Variants in TNRC18 observed in about 807,000 individuals in gnomAD.
TNRC18 encodes trinucleotide repeat containing 18, also known as trinucleotide repeat-containing gene 18 protein.
A neutral mutation model predicts 226.7 loss-of-function variants in TNRC18; 69 were observed. The observed-to-expected ratio is 0.30, with a 90% CI of 0.25 to 0.37. TNRC18 has a LOEUF of 0.37. Among genes scored for constraint, TNRC18 ranks in the 10% least tolerant of loss-of-function variants. The probability of loss-of-function intolerance (pLI) is 1.00; values close to 1 mark genes in which losing one functional copy is unlikely to be tolerated. For synonymous variants in TNRC18, 2,449 were observed against 1,927.6 expected, an observed-to-expected ratio of 1.27 and a Z score of -7.09; for missense variants, 4,754 against 4,256.6, an observed-to-expected ratio of 1.12 and a Z score of -3.25.
intron 14 of TNRC18, 66 bp downstream of exon 14, chr7:5,361,528 G>T (rs1232733006): frequency 7.0e-7 from 1 of 1,424,516 alleles, no homozygotes; most frequent in African/African-American, 1.5e-5. Context: ...CAGGCCCTGC[G>T]TGGGGCCCGG....
rs765642771 is a variant in TNRC18, at chr7:5,362,748, G to T, written c.4297C>A (p.Leu1433Met). Residue 1433 changes from leucine (L) to methionine (M), a missense_variant, in exon 12 of 30, where the codon CTG becomes ATG. Leu to Met is a conservative substitution (Grantham distance 15). Transcript: ENST00000430969. The stretch of plus-strand genomic sequence containing the variant: ...AGTGGGTCCACCACGGGCCCATCCA[G>T]CACCTCCCTCAGCATGTGGCTGCCA... ...AAGSHMLREV[L>M]DGPVVDPLKN... is the part of the protein sequence containing the mutation. 6.4e-7 allele frequency: 1 copy of T among 1,572,788 alleles called. No individual in the cohort carries two copies. Among genetic ancestry groups the T allele is most frequent in the Non-Finnish European group, 8.6e-7 (1 of 1,159,670 alleles).
In TNRC18 at chr7:5,332,637, C is replaced by T; in HGVS notation, c.6132G>A (p.Arg2044=). 6.5e-7 allele frequency: 1 copy of T among 1,531,912 alleles called. No individual in the cohort carries two copies. Among genetic ancestry groups the T allele is most frequent in the Non-Finnish European group, 8.8e-7 (1 of 1,140,920 alleles). 94.9% of individuals were successfully genotyped at this position (1,531,912 alleles called of 1,614,324 possible). ...PRKDAGRAKD[R]KDPRKKKKGK... ...CGGCCCCTACCTTCCTGGGGTCCTT[C>T]CTGTCCTTTGCACGCCCGGCGTCCT... is the stretch of plus-strand genomic sequence containing the variant. The change falls in exon 19 of 30, where the codon AGG becomes AGA. Residue 2044 remains arginine, a synonymous_variant. Coordinates refer to ENST00000430969, the MANE Select transcript of TNRC18 (RefSeq NM_001080495.3).
intron 18 of TNRC18, among the ~76,000 whole-genome samples, chr7:5,340,574 T>A (rs1289242110): frequency 2.7e-5 from 4 of 148,978 alleles, no homozygotes; most frequent in African/African-American, 9.9e-5. Context: ...CCATCTCTAC[T>A]AAAAAAAAAA....
chr7:5,396,965 G>A (rs1248082668), intron 2 of TNRC18, among the ~76,000 whole-genome samples: 1 of 152,344 alleles, frequency 6.6e-6, no homozygotes, highest in Middle Eastern at 3.4e-3. Context: ...TGGGGTACAT[G>A]TGGGGAAACT....
rs1780088725 is a variant in TNRC18 at position 5,389,248 on chromosome 7, C to T, written c.576G>A (p.Ser192=). ...SARTPGGGHS[S]GAPAKGSSSR... is the part of the protein sequence containing the mutation. ...ACGACGAGCCTTTGGCCGGGGCGCCCGAGGAGTGGCCGCCGCCAGGGGTCC... is the reference window on the plus strand; with the variant it reads ...ACGACGAGCCTTTGGCCGGGGCGCCTGAGGAGTGGCCGCCGCCAGGGGTCC... The change falls in exon 5 of 30, where the codon TCG becomes TCA. Residue 192 remains serine (S), a synonymous_variant. Coordinates refer to ENST00000430969, the MANE Select transcript of TNRC18 (RefSeq NM_001080495.3). 7.6e-7 allele frequency: 1 copy of T among 1,316,516 alleles called. No homozygotes were observed. Among genetic ancestry groups the T allele is most frequent in the Non-Finnish European group, 9.7e-7 (1 of 1,033,476 alleles). 81.6% of individuals were successfully genotyped at this position (1,316,516 alleles called of 1,614,324 possible).
chr7:5,356,620 G>A (rs955005748), intron 16 of TNRC18, among the ~76,000 whole-genome samples: 7 of 152,338 alleles, frequency 4.6e-5, no homozygotes, highest in African/African-American at 1.4e-4. Flanking sequence ...AATGGCGGGC[G>A]GGCAAGACAG....
chr7:5,360,771 G>A (rs1202064968), intron 14 of TNRC18, among the ~76,000 whole-genome samples: 4 of 152,232 alleles, frequency 2.6e-5, no homozygotes, highest in Non-Finnish European at 5.9e-5. Context: ...CCTCTCTTCG[G>A]TCAGAAACAT....
intron 2 of TNRC18, among the ~76,000 whole-genome samples, chr7:5,399,782 C>A (rs1780953657): frequency 6.6e-6 from 1 of 152,046 alleles, no homozygotes; most frequent in Non-Finnish European, 1.5e-5. Flanking sequence ...CTTTGGGAGG[C>A]CTAGGCGGGT....
intron 18 of TNRC18, 125 bp downstream of exon 18, chr7:5,345,437 G>C: frequency 1.0e-6 from 1 of 966,644 alleles, no homozygotes; most frequent in Non-Finnish European, 1.5e-6. Context: ...CCACGAGGCT[G>C]GGGTTCTGCC....
At position 5,388,803 on chromosome 7, in the gene TNRC18, G is replaced by A. The variant is rs1259226923; in HGVS notation, c.1021C>T (p.Pro341Ser). 10 of 1,195,226 alleles carry A rather than the reference G, an allele frequency of 8.4e-6. No individual in the cohort carries two copies. The highest frequency in any genetic ancestry group is 4.1e-5 in the East Asian group (1 of 24,166). 74.0% of individuals were successfully genotyped at this position (1,195,226 alleles called of 1,614,324 possible). A position where few individuals can be genotyped will look rare whatever the true frequency, so the allele number is the denominator to read the frequency against. The change falls in exon 5 of 30, where the codon CCC becomes TCC. Residue 341 changes from proline (P) to serine (S), a missense_variant. Coordinates refer to ENST00000430969, the MANE Select transcript of TNRC18 (RefSeq NM_001080495.3). ...CPSPLPPPPAPPKGPPAPPAA... is the reference protein window; with the variant it reads ...CPSPLPPPPASPKGPPAPPAA... ...GGGGGTGCAGGAGGCCCCTTGGGGG[G>A]CGCGGGCGGCGGGGGCAGCGGTGAG...
At chr7:5,358,247 G>A (rs1311338318) in intron 15 of TNRC18, among the ~76,000 whole-genome samples, 1 of 152,120 alleles carries the variant, frequency 6.6e-6, no homozygotes, top group East Asian at 1.9e-4. Flanking sequence ...TTAAATTCCT[G>A]CCTGCATGTC....
chr7:5,364,231 G>A (rs554666181), intron 11 of TNRC18, among the ~76,000 whole-genome samples: 1 of 152,194 alleles, frequency 6.6e-6, no homozygotes, highest in South Asian at 2.1e-4. Flanking sequence ...TCAGGAGGCA[G>A]AAGTTGCAGT....
At chr7:5,402,884 G>C (rs531850808) in intron 2 of TNRC18, among the ~76,000 whole-genome samples, 29 of 151,638 alleles carry the variant, frequency 1.9e-4, no homozygotes, top group Non-Finnish European at 3.0e-4. Context: ...GGTGTGGAAT[G>C]GGGGGGCAAG....
chr7:5,348,803 T>C (rs1413398379), intron 17 of TNRC18, among the ~76,000 whole-genome samples: 1 of 151,994 alleles, frequency 6.6e-6, no homozygotes, highest in African/African-American at 2.4e-5. Flanking sequence ...AGTGCACACT[T>C]GCGATCATTC....
rs566231161 is a variant in TNRC18 at position 5,328,831 on chromosome 7, A to T, written c.6148-3583T>A. 1.1e-4 allele frequency among the ~76,000 whole-genome samples: 16 copies of T among 152,130 alleles called. 1 individual carries two copies. In the South Asian group the frequency reaches 2.9e-3, roughly 28 times the overall value. ...GGCTGAGACCACCGTCTCTTATTAA[A>T]AGAAAAATTAGCAAGGTGTGTTGGT... is the stretch of plus-strand genomic sequence containing the variant. On this transcript the variant is annotated intron_variant, in intron 19 of 29. Transcript: ENST00000430969.
intron 16 of TNRC18, among the ~76,000 whole-genome samples, chr7:5,354,747 C>T (rs1011638629): frequency 1.3e-5 from 2 of 152,148 alleles, no homozygotes; most frequent in African/African-American, 4.8e-5. Flanking sequence ...GAAACACACG[C>T]ACCCTGAAAA....
chr7:5,376,006 G>C lies in TNRC18; in HGVS notation c.2799+28C>G, dbSNP rs990204674. 4.5e-6 allele frequency: 7 copies of C among 1,565,128 alleles called. No homozygotes were observed. In the African/African-American group the frequency reaches 5.4e-5, roughly 12 times the overall value. Reference sequence around the variant, plus strand: ...CGTCACCCATGGGGGCCCCCAGAGGGAGCTGCGCCTCATCCTCCCCGACTT... The same window carrying C: ...CGTCACCCATGGGGGCCCCCAGAGGCAGCTGCGCCTCATCCTCCCCGACTT... On this transcript the variant is annotated intron_variant, in intron 9 of 29. Coordinates refer to ENST00000430969, the MANE Select transcript of TNRC18 (RefSeq NM_001080495.3).
At position 5,388,909 on chromosome 7, in the gene TNRC18, GGCACCCCC is replaced by G; in HGVS notation, c.907_914del (p.Gly303GlnfsTer61). The G allele has an allele frequency of 7.3e-7, 1 of 1,366,346 alleles. No individual in the cohort carries two copies. Among genetic ancestry groups the G allele is most frequent in the Non-Finnish European group, 9.5e-7 (1 of 1,055,636 alleles). 84.6% of individuals were successfully genotyped at this position (1,366,346 alleles called of 1,614,324 possible). A position where few individuals can be genotyped will look rare whatever the true frequency, so the allele number is the denominator to read the frequency against. On this transcript the variant is annotated frameshift_variant, in exon 5 of 30. Transcript: ENST00000430969. LOFTEE classifies it high-confidence loss of function. The stretch of plus-strand genomic sequence containing the variant: ...CCTCGTCCTGCCGGGCAGCCTCCTT[GGCACCCCC>G]GCGCCCCGCTTCGGCCACCAGCGCG...
At chr7:5,385,458 G>A (rs1321427407) in intron 5 of TNRC18, among the ~76,000 whole-genome samples, 2 of 129,858 alleles carry the variant, frequency 1.5e-5, no homozygotes, top group Non-Finnish European at 3.1e-5. Context: ...ACTGCAGTCC[G>A]CAGTCCGGCC....
Sources: allele counts gnomAD v4.1 joint callset (sites outside exome capture counted in the v4.1 genomes callset), GRCh38; gene constraint gnomAD v4.1.1; transcripts MANE v1.5; gene names NCBI Gene and HGNC (gene_info 2026-07-23, HGNC 2026-07-21).